The following TRDN variants were observed in gnomAD, a reference collection of about 807,000 sequenced individuals.
TRDN encodes triadin, also known as triadin in skeletal muscle.
TRDN carries 161 observed loss-of-function variants against 149.7 expected under a neutral mutation model. The ratio of observed to expected loss-of-function variants is 1.08; its 90% CI spans 0.95 to 1.23. The LOEUF is 1.23. TRDN is among the 50% of genes most tolerant of loss of function. The pLI is 0.00. For synonymous variants in TRDN, 294 were observed against 250.5 expected (o/e 1.17, Z -1.64); for missense variants, 896 against 823.5 (o/e 1.09, Z -1.08).
chr6:123,608,096 G>A (rs1216093744), intron 1 of TRDN, among the ~76,000 whole-genome samples: 1 of 152,010 alleles, frequency 6.6e-6, no homozygotes. Flanking sequence ...ATTGAACTTA[G>A]GAGCCTGAGA....
intron 23 of TRDN, among the ~76,000 whole-genome samples, chr6:123,320,748 T>C (rs1374568529): frequency 6.6e-6 from 1 of 152,030 alleles, no homozygotes; most frequent in African/African-American, 2.4e-5. Flanking sequence ...GTCTATATTA[T>C]CTATGTTGTA....
chr6:123,345,538 C>G (rs1780216772), intron 21 of TRDN, among the ~76,000 whole-genome samples: 1 of 151,926 alleles, frequency 6.6e-6, no homozygotes, highest in Admixed American at 6.6e-5. Flanking sequence ...GTTGGCTCTT[C>G]TGGGTCTTTT....
At chr6:123,354,688 T>C (rs1024239786) in intron 20 of TRDN, among the ~76,000 whole-genome samples, 2 of 151,688 alleles carry the variant, frequency 1.3e-5, no homozygotes, top group African/African-American at 4.8e-5. Context: ...TTAACAGACA[T>C]AGAAGATAGA....
chr6:123,489,758 C>T (rs1443316867), intron 9 of TRDN, among the ~76,000 whole-genome samples: 1 of 151,864 alleles, frequency 6.6e-6, no homozygotes, highest in Non-Finnish European at 1.5e-5. Flanking sequence ...ATGAAATTGC[C>T]TAGAAAGATG....
chr6:123,500,037 T>A (rs1455330659), intron 8 of TRDN, among the ~76,000 whole-genome samples: 2 of 151,918 alleles, frequency 1.3e-5, no homozygotes, highest in Non-Finnish European at 2.9e-5. Context: ...CTTACTTATA[T>A]TTCTTATATT....
intron 1 of TRDN, among the ~76,000 whole-genome samples, chr6:123,601,738 G>C (rs1283017793): frequency 6.6e-6 from 1 of 152,060 alleles, no homozygotes; most frequent in Non-Finnish European, 1.5e-5. Context: ...ACTCTAAGCT[G>C]GCAGGTAACA....
intron 1 of TRDN, among the ~76,000 whole-genome samples, chr6:123,585,711 A>G (rs9482410): frequency 0.3 from 45,495 of 151,808 alleles, 7,191 homozygotes; most frequent in East Asian, 0.54. Context: ...CCTGGGCTGC[A>G]GGCATTCCTT....
intron 24 of TRDN, among the ~76,000 whole-genome samples, chr6:123,279,420 A>G (rs919003669): frequency 2.0e-5 from 3 of 152,192 alleles, no homozygotes; most frequent in Non-Finnish European, 4.4e-5. Flanking sequence ...TATAAAAACT[A>G]GTGGCCAGTC....
chr6:123,607,812 T>C (rs1158713999), intron 1 of TRDN, among the ~76,000 whole-genome samples: 1 of 152,088 alleles, frequency 6.6e-6, no homozygotes, highest in Non-Finnish European at 1.5e-5. Flanking sequence ...CATGTAACTT[T>C]ATTAATGGCA....
At chr6:123,369,410 G>A (rs954547287) in intron 19 of TRDN, among the ~76,000 whole-genome samples, 1 of 152,046 alleles carries the variant, frequency 6.6e-6, no homozygotes, top group African/African-American at 2.4e-5. Flanking sequence ...AACCCACTAT[G>A]TCTGCCAAAA....
chr6:123,472,544 A>G (rs1777226978), intron 9 of TRDN, among the ~76,000 whole-genome samples: 2 of 152,226 alleles, frequency 1.3e-5, no homozygotes, highest in Non-Finnish European at 2.9e-5. Flanking sequence ...TAGGAAAACA[A>G]AGCAGCCGGG....
At chr6:123,313,800 G>A (rs1309552697) in intron 24 of TRDN, among the ~76,000 whole-genome samples, 1 of 151,986 alleles carries the variant, frequency 6.6e-6, no homozygotes, top group Admixed American at 6.6e-5. Context: ...GCCATATGCA[G>A]AAAATTGAAA....
chr6:123,483,972 C>T (rs1470924071), intron 9 of TRDN, among the ~76,000 whole-genome samples: 3 of 152,056 alleles, frequency 2.0e-5, no homozygotes, highest in Non-Finnish European at 2.9e-5. Flanking sequence ...ATGAGATATA[C>T]TAAGCTAGAA....
At chr6:123,328,567 A>C (rs1234548051) in intron 23 of TRDN, among the ~76,000 whole-genome samples, 2 of 152,098 alleles carry the variant, frequency 1.3e-5, no homozygotes, top group East Asian at 3.9e-4. Flanking sequence ...AGTCCCAAGT[A>C]CACTTTGATG....
chr6:123,605,639 C>T (rs1019727687), intron 1 of TRDN, among the ~76,000 whole-genome samples: 4 of 150,832 alleles, frequency 2.7e-5, no homozygotes, highest in Non-Finnish European at 4.4e-5. Context: ...GTTGTATAGA[C>T]TTATAACCCA....
At chr6:123,383,453 TA>T (rs1781794166) in intron 14 of TRDN, among the ~76,000 whole-genome samples, 1 of 152,022 alleles carries the variant, frequency 6.6e-6, no homozygotes, top group African/African-American at 2.4e-5. Flanking sequence ...AATATTATCA[TA>T]AAAATAAATA....
chr6:123,343,264 A>G (rs1780130104), intron 21 of TRDN, among the ~76,000 whole-genome samples: 1 of 151,992 alleles, frequency 6.6e-6, no homozygotes, highest in Non-Finnish European at 1.5e-5. Context: ...TTTATTTTTT[A>G]TAATAACTTC....
chr6:123,490,243 T>C (rs754521364), intron 9 of TRDN, among the ~76,000 whole-genome samples: 17 of 152,156 alleles, frequency 1.1e-4, no homozygotes, highest in Non-Finnish European at 2.4e-4. Flanking sequence ...TTCCAAGATA[T>C]CCAGTAGATA....
intron 2 of TRDN, among the ~76,000 whole-genome samples, chr6:123,557,396 C>G (rs1241430076): frequency 6.6e-6 from 1 of 152,132 alleles, no homozygotes; most frequent in Non-Finnish European, 1.5e-5. Context: ...GAACACCTCA[C>G]CAATTTTAAA....
Sources: gnomAD v4.1 joint callset for allele counts (sites outside exome capture counted in the v4.1 genomes callset) on GRCh38, gnomAD v4.1.1 for gene constraint, MANE v1.5 for transcripts, NCBI Gene and HGNC (gene_info 2026-07-23, HGNC 2026-07-21) for gene names.